MBNL1: variants seen among roughly 807,000 people sequenced by gnomAD.
The protein encoded by MBNL1 is muscleblind-like protein 1.
A neutral mutation model predicts 42.2 loss-of-function variants in MBNL1; 8 were observed. The observed-to-expected ratio is 0.19, with a 90% CI of 0.11 to 0.34. The LOEUF (loss-of-function observed/expected upper bound fraction) is 0.34. Among genes scored for constraint, MBNL1 ranks in the 10% least tolerant of loss-of-function variants. The pLI is 1.00. For synonymous variants in MBNL1, 169 were observed against 173.9 expected (o/e 0.97, Z 0.22); for missense variants, 309 against 495.3 (o/e 0.62, Z 3.57).
At chr3:152,326,930 G>A (rs574679609) in intron 2 of MBNL1, among the ~76,000 whole-genome samples, 14 of 151,766 alleles carry the variant, frequency 9.2e-5, no homozygotes, top group Non-Finnish European at 1.9e-4. Context: ...AGCCTCCCGA[G>A]TAGCTGGAAT....
intron 4 of MBNL1, among the ~76,000 whole-genome samples, chr3:152,437,598 C>T (rs1359922982): frequency 2.0e-5 from 3 of 152,076 alleles, no homozygotes; most frequent in Non-Finnish European, 4.4e-5. Context: ...TAACACCAGC[C>T]ACAAGCTACT....
At position 152,338,013 on chromosome 3, in the gene MBNL1, A is replaced by T. The variant is rs73154172; in HGVS notation, c.174+37646A>T. ...GATTTTTTTTTTGTATTTGTAAATT[A>T]AATATTGCGATGACAAGATATAATA... On this transcript the variant is annotated intron_variant, in intron 2 of 9. Coordinates refer to ENST00000324210, the MANE Select transcript of MBNL1 (RefSeq NM_021038.5). 2,726 of 864,168 alleles carry T rather than the reference A, an allele frequency of 3.2e-3. 4 individuals carry two copies. The highest frequency in any genetic ancestry group is 3.5e-3 in the Non-Finnish European group (2,541 of 720,048). The allele number at this position is 864,168 out of a possible 1,614,324, so 53.5% of individuals were successfully genotyped here.
At chr3:152,378,619 A>G (rs1447369669) in intron 2 of MBNL1, among the ~76,000 whole-genome samples, 1 of 152,182 alleles carries the variant, frequency 6.6e-6, no homozygotes, top group Non-Finnish European at 1.5e-5. Context: ...AAATCTTCCA[A>G]GGCTTTTTAC....
intron 2 of MBNL1, among the ~76,000 whole-genome samples, chr3:152,376,030 G>A (rs776476084): frequency 2.0e-5 from 3 of 151,912 alleles, no homozygotes; most frequent in Non-Finnish European, 4.4e-5. Context: ...CCAATTCTTT[G>A]TTTCCTGGAT....
chr3:152,432,553 A>G (rs2099021053), intron 3 of MBNL1, among the ~76,000 whole-genome samples, 164 bp from the exon 4 acceptor site: 1 of 152,230 alleles, frequency 6.6e-6, no homozygotes, highest in Non-Finnish European at 1.5e-5. Flanking sequence ...TTATTTAATA[A>G]AACAGCCTTA....
At chr3:152,313,922 A>T (rs532216233) in intron 2 of MBNL1, among the ~76,000 whole-genome samples, 1 of 152,360 alleles carries the variant, frequency 6.6e-6, no homozygotes, top group African/African-American at 2.4e-5. Context: ...TTGTAAATGC[A>T]GTTAAGTATG....
At chr3:152,333,044 G>T (rs2152686514) in intron 2 of MBNL1, among the ~76,000 whole-genome samples, 1 of 152,206 alleles carries the variant, frequency 6.6e-6, no homozygotes, top group East Asian at 1.9e-4. Context: ...CCTTACAGAT[G>T]ATCGCTGGCT....
At chr3:152,249,498 A>T (rs1378601752) in intron 2 of MBNL1, among the ~76,000 whole-genome samples, 3 of 104,010 alleles carry the variant, frequency 2.9e-5, no homozygotes, top group Admixed American at 1.0e-4. Flanking sequence ...GTTTGAGTTC[A>T]TTGTAGATTC....
intron 2 of MBNL1, among the ~76,000 whole-genome samples, chr3:152,366,143 G>C (rs1159799542): frequency 6.6e-6 from 1 of 152,076 alleles, no homozygotes; most frequent in Non-Finnish European, 1.5e-5. Context: ...GAGTAATTTT[G>C]TTGATCACAG....
Position 152,434,212 on chromosome 3 carries a change from C to A in MBNL1, c.549+1292C>A, listed in dbSNP as rs146660061. ...ATCCTCTCCCCTCTCCCACCATCCA[C>A]CCTCAAATAGGCCCTAACATCTGTT... is the stretch of plus-strand genomic sequence containing the variant. On this transcript the variant is annotated intron_variant, in intron 4 of 9. Coordinates refer to ENST00000324210, the MANE Select transcript of MBNL1 (RefSeq NM_021038.5). 3.9e-5 allele frequency among the ~76,000 whole-genome samples: 6 copies of A among 152,322 alleles called. No homozygotes were observed. The East Asian group carries it at 1.2e-3, about 29-fold the overall frequency.
chr3:152,407,189 T>A (rs2098451336), intron 2 of MBNL1, among the ~76,000 whole-genome samples: 2 of 149,842 alleles, frequency 1.3e-5, no homozygotes, highest in East Asian at 2.0e-4. Flanking sequence ...AAACTGGGAT[T>A]ATATCAGTGG....
At chr3:152,399,284 ATTC>A (rs2098118087) in intron 2 of MBNL1, among the ~76,000 whole-genome samples, 1 of 151,782 alleles carries the variant, frequency 6.6e-6, no homozygotes, top group Non-Finnish European at 1.5e-5. Flanking sequence ...TTCCTTCATC[ATTC>A]TTCTTCCTTC....
intron 2 of MBNL1, among the ~76,000 whole-genome samples, chr3:152,383,184 A>G (rs1249585104): frequency 8.5e-5 from 13 of 152,248 alleles, no homozygotes; most frequent in Non-Finnish European, 1.9e-4. Flanking sequence ...TTGGCTGCTT[A>G]GTGGAGCCTT....
rs141146744 is a variant in MBNL1, at chr3:152,326,185, G to A, written c.174+25818G>A. ...AACTTTTCCTGATTGTCACAGCAAT[G>A]TCCTTTTTTAATAGGTACGTTTTTC... On this transcript the variant is annotated intron_variant, in intron 2 of 9. Transcript: ENST00000324210. 6.4e-3 allele frequency among the ~76,000 whole-genome samples: 976 copies of A among 152,178 alleles called. 9 individuals carry two copies. The highest frequency in any genetic ancestry group is 0.022 in the African/African-American group (933 of 41,508).
chr3:152,429,792 T>TTGTGTGTG (rs375863735), intron 3 of MBNL1, among the ~76,000 whole-genome samples: 1 of 149,614 alleles, frequency 6.7e-6, no homozygotes, highest in African/African-American at 2.5e-5. Context: ...TGGTGTGTGT[T>TTGTGTGTG]TGTGTGTGTG....
At chr3:152,349,114 G>C (rs1023469430) in intron 2 of MBNL1, among the ~76,000 whole-genome samples, 12 of 152,042 alleles carry the variant, frequency 7.9e-5, no homozygotes, top group Non-Finnish European at 1.5e-4. Flanking sequence ...AAAAATTCTG[G>C]CTATCAAGAC....
chr3:152,460,611 T>TAAAA lies in MBNL1; in HGVS notation c.*18+1274_*18+1277dup, dbSNP rs1288958334. Among the ~76,000 whole-genome samples the TAAAA allele has an allele frequency of 2.9e-5, 3 of 102,972 alleles. 1 individual carries two copies. Among genetic ancestry groups the TAAAA allele is most frequent in the Non-Finnish European group, 4.2e-5 (2 of 47,064 alleles). The allele number at this position is 102,972 out of a possible 152,430, so 67.6% of individuals were successfully genotyped here. A position where few individuals can be genotyped will look rare whatever the true frequency, so the allele number is the denominator to read the frequency against. ...CACATGTACCCTAAAACTTAAAGTA[T>TAAAA]AAAAAAAAAAACAAAAAAAAAAACC... On this transcript the variant is annotated intron_variant, in intron 9 of 9. Coordinates refer to ENST00000324210, the MANE Select transcript of MBNL1 (RefSeq NM_021038.5).
chr3:152,285,312 G>A (rs995620139), intron 1 of MBNL1, among the ~76,000 whole-genome samples: 3 of 152,130 alleles, frequency 2.0e-5, no homozygotes, highest in Non-Finnish European at 2.9e-5. Context: ...ATCGTGTATC[G>A]TGAATGAAGT....
chr3:152,306,427 A>T (rs1383512442), intron 2 of MBNL1, among the ~76,000 whole-genome samples: 2 of 152,260 alleles, frequency 1.3e-5, no homozygotes, highest in African/African-American at 2.4e-5. Flanking sequence ...CAATGTGGCC[A>T]CTGCAGTGCC....
Sources: gnomAD v4.1 joint callset for allele counts (sites outside exome capture counted in the v4.1 genomes callset) on GRCh38, gnomAD v4.1.1 for gene constraint, MANE v1.5 for transcripts, NCBI Gene and HGNC (gene_info 2026-07-23, HGNC 2026-07-21) for gene names.